Variants in ABHD17C observed in about 807,000 individuals in gnomAD.
ABHD17C encodes alpha/beta hydrolase domain-containing protein 17C.
A neutral mutation model predicts 27.9 loss-of-function variants in ABHD17C; 11 were observed. That is an observed-to-expected ratio of 0.39 (90% confidence interval 0.25 to 0.65). ABHD17C has a LOEUF of 0.65. Ranked by LOEUF, ABHD17C falls within the 30% of genes least tolerant of loss-of-function variation. The pLI is 0.45. For missense variants in ABHD17C, 280 were observed against 470.2 expected, an observed-to-expected ratio of 0.60 and a Z score of 3.74; for synonymous variants, 233 against 209.1, an observed-to-expected ratio of 1.11 and a Z score of -0.98.
chr15:80,697,143 G>A (rs1230352723), intron 1 of ABHD17C, among the ~76,000 whole-genome samples: 1 of 151,716 alleles, frequency 6.6e-6, no homozygotes, highest in Non-Finnish European at 1.5e-5. Context: ...GTGACTCCTT[G>A]CCTGTCTGGG....
chr15:80,700,992 G>A (rs1305636729), intron 1 of ABHD17C, among the ~76,000 whole-genome samples: 4 of 152,220 alleles, frequency 2.6e-5, no homozygotes, highest in Non-Finnish European at 5.9e-5. Context: ...TACTCTTGAA[G>A]TATCGTTAAT....
At chr15:80,730,951 A>G (rs1264564261) in intron 1 of ABHD17C, among the ~76,000 whole-genome samples, 2 of 152,100 alleles carry the variant, frequency 1.3e-5, no homozygotes, top group Non-Finnish European at 2.9e-5. Flanking sequence ...AGGGTGTAGG[A>G]TTTGTTTCAT....
chr15:80,714,726 C>G (rs1894779918), intron 1 of ABHD17C, among the ~76,000 whole-genome samples: 1 of 152,166 alleles, frequency 6.6e-6, no homozygotes, highest in Non-Finnish European at 1.5e-5. Context: ...CACACACAGA[C>G]ACGCACAAAT....
chr15:80,699,293 G>A (rs184458110), intron 1 of ABHD17C, among the ~76,000 whole-genome samples: 1 of 152,232 alleles, frequency 6.6e-6, no homozygotes, highest in East Asian at 1.9e-4. Flanking sequence ...TTTGTTGAAC[G>A]AATTGCACAT....
In ABHD17C at chr15:80,695,955, G is replaced by A. The variant is rs1335265390; in HGVS notation, c.526G>A (p.Gly176Ser). Residue 176 changes from glycine to serine, a missense_variant, in exon 1 of 3, where the codon GGC becomes AGC. Physicochemically the swap from Gly to Ser is moderately conservative, Grantham distance 56 (BLOSUM62 0). Transcript: ENST00000258884. This position sits in a 1 kb window ranked among gnomAD's most constrained non-coding sequence, Gnocchi z 4.3. ...YDYSGYGVSS[G>S]KPSEKNLYAD... ...CTACTCGGGATACGGCGTCAGCTCG[G>A]GCAAGCCCTCCGAGAAGAACCTCTA... 1 of 1,594,766 alleles carries A rather than the reference G, an allele frequency of 6.3e-7. No individual in the cohort carries two copies. The highest frequency in any genetic ancestry group is 8.5e-7 in the Non-Finnish European group (1 of 1,178,162).
At chr15:80,726,601 C>G (rs527883505) in intron 1 of ABHD17C, among the ~76,000 whole-genome samples, 1 of 150,674 alleles carries the variant, frequency 6.6e-6, no homozygotes, top group South Asian at 2.1e-4. Context: ...AAGCTCCGCC[C>G]CCCCGCGTTC....
chr15:80,753,686 A>G (rs1229420046), intron 2 of ABHD17C, among the ~76,000 whole-genome samples: 2 of 152,188 alleles, frequency 1.3e-5, no homozygotes, highest in Non-Finnish European at 2.9e-5. Context: ...GATTACAGGC[A>G]TGCACCACCA....
chr15:80,705,333 T>TTGTGTGTGTGTGTGTGTGTGTG (rs1555421862), intron 1 of ABHD17C, among the ~76,000 whole-genome samples: 10,284 of 106,584 alleles, frequency 0.096, 935 homozygotes, highest in Non-Finnish European at 0.13. Context: ...TTCCTATGAT[T>TTGTGTGTGTGTGTGTGTGTGTG]TGTGTGTGTG....
chr15:80,737,895 A>C lies in ABHD17C; in HGVS notation c.591-11618A>C, dbSNP rs139342790. On this transcript the variant is annotated intron_variant, in intron 1 of 2. Transcript: ENST00000258884. ...AGTCGGATGGGGCTAGATTGTGGAC[A>C]TGGACTTTTATCCTAAGCACAGTGA... 2.5e-3 allele frequency among the ~76,000 whole-genome samples: 383 copies of C among 152,310 alleles called. 1 individual carries two copies. The highest frequency in any genetic ancestry group is 3.9e-3 in the Non-Finnish European group (265 of 68,026).
At chr15:80,719,352 G>A (rs1490012956) in intron 1 of ABHD17C, among the ~76,000 whole-genome samples, 1 of 152,168 alleles carries the variant, frequency 6.6e-6, no homozygotes, top group East Asian at 1.9e-4. Flanking sequence ...GAGAGTGTTT[G>A]TAATTTTTAG....
intron 1 of ABHD17C, among the ~76,000 whole-genome samples, chr15:80,722,725 G>A (rs1013345986): frequency 2.6e-5 from 4 of 152,002 alleles, no homozygotes; most frequent in Non-Finnish European, 4.4e-5. Flanking sequence ...CCCCATTACT[G>A]TCTCCCCTAA....
intron 2 of ABHD17C, among the ~76,000 whole-genome samples, chr15:80,753,397 G>C (rs1895389639): frequency 6.6e-6 from 1 of 152,188 alleles, no homozygotes; most frequent in South Asian, 2.1e-4. Context: ...TCCAAATAAA[G>C]TCTGGAGTTT....
chr15:80,704,343 C>T (rs141338219), intron 1 of ABHD17C, among the ~76,000 whole-genome samples: 3 of 152,108 alleles, frequency 2.0e-5, no homozygotes, highest in South Asian at 2.1e-4. Flanking sequence ...CATTCACACT[C>T]GCTGCACATC....
At chr15:80,710,930 CA>C (rs1894720835) in intron 1 of ABHD17C, among the ~76,000 whole-genome samples, 1 of 151,992 alleles carries the variant, frequency 6.6e-6, no homozygotes, top group Non-Finnish European at 1.5e-5. Context: ...GATTGTGGGG[CA>C]GGGCATAGAT....
chr15:80,740,583 G>A (rs1430453117), intron 1 of ABHD17C, among the ~76,000 whole-genome samples: 2 of 152,172 alleles, frequency 1.3e-5, no homozygotes, highest in Non-Finnish European at 2.9e-5. Flanking sequence ...CAGGTACAGA[G>A]ACATACGGAT....
At chr15:80,702,152 T>C (rs1221292289) in intron 1 of ABHD17C, among the ~76,000 whole-genome samples, 2 of 152,154 alleles carry the variant, frequency 1.3e-5, no homozygotes, top group Admixed American at 6.6e-5. Flanking sequence ...AGCACAGTTG[T>C]TTTCATTTAG....
At chr15:80,714,560 C>T (rs533881146) in intron 1 of ABHD17C, among the ~76,000 whole-genome samples, 228 of 152,272 alleles carry the variant, frequency 1.5e-3, no homozygotes, top group African/African-American at 5.0e-3. Flanking sequence ...GCATAGTCTT[C>T]CAAGGTGGCG....
At chr15:80,723,635 T>C (rs756808366) in intron 1 of ABHD17C, among the ~76,000 whole-genome samples, 9 of 152,176 alleles carry the variant, frequency 5.9e-5, no homozygotes, top group Non-Finnish European at 8.8e-5. Flanking sequence ...TAACTTACAA[T>C]GAGAAATATT....
At chr15:80,725,556 A>C (rs982451047) in intron 1 of ABHD17C, among the ~76,000 whole-genome samples, 1 of 152,170 alleles carries the variant, frequency 6.6e-6, no homozygotes, top group Admixed American at 6.5e-5. Flanking sequence ...TCTGTTGCCC[A>C]TGATGGAGTT....
Sources: allele counts gnomAD v4.1 joint callset (sites outside exome capture counted in the v4.1 genomes callset), GRCh38; gene constraint gnomAD v4.1.1; non-coding constraint Gnocchi (gnomAD v3.1); transcripts MANE v1.5; gene names NCBI Gene and HGNC (gene_info 2026-07-23, HGNC 2026-07-21).